TNRC18: variants seen among roughly 807,000 people sequenced by gnomAD.
The protein encoded by TNRC18 is trinucleotide repeat containing 18, also known as trinucleotide repeat-containing gene 18 protein.
In TNRC18, 69 loss-of-function variants were observed where a neutral mutation model predicts 226.7. That is an observed-to-expected ratio of 0.30 (90% CI 0.25 to 0.37). The LOEUF is 0.37. TNRC18 is among the 10% of genes least tolerant of loss of function. The pLI is 1.00. For synonymous variants in TNRC18, 2,449 were observed against 1,927.6 expected (o/e 1.27, Z -7.09); for missense variants, 4,754 against 4,256.6 (o/e 1.12, Z -3.25).
Position 5,374,337 on chromosome 7 carries a change from C to T in TNRC18, c.2947G>A (p.Ala983Thr), listed in dbSNP as rs530191909. ...RKPPGLAAGP[A>T]GTYGKAVSPP... ...CTCACGGCCTTGCCGTAGGTGCCCG[C>T]GGGGCCGGCGGCCAGGCCAGGGGGC... Residue 983 changes from alanine to threonine, a missense_variant, in exon 10 of 30, where the codon GCG becomes ACG. Coordinates refer to ENST00000430969, the MANE Select transcript of TNRC18 (RefSeq NM_001080495.3). 4.1e-5 allele frequency: 58 copies of T among 1,419,924 alleles called. No individual in the cohort carries two copies. The highest frequency in any genetic ancestry group is 2.6e-4 in the African/African-American group (17 of 65,512). 88.0% of individuals were successfully genotyped at this position (1,419,924 alleles called of 1,614,324 possible).
chr7:5,349,586 C>G (rs996325828), intron 17 of TNRC18, among the ~76,000 whole-genome samples: 1 of 152,310 alleles, frequency 6.6e-6, no homozygotes. Flanking sequence ...GAAAGAAAAG[C>G]GTTTTGCCTA....
chr7:5,345,808 C>G lies in TNRC18; in HGVS notation c.5473G>C (p.Glu1825Gln), dbSNP rs1168736522. 6.5e-7 allele frequency: 1 copy of G among 1,541,780 alleles called. No homozygotes were observed. The highest frequency in any genetic ancestry group is 8.7e-7 in the Non-Finnish European group (1 of 1,146,148). Residue 1825 changes from glutamate (E) to glutamine (Q), a missense_variant and splice_region_variant, in exon 18 of 30, where the codon GAG becomes CAG. Coordinates refer to ENST00000430969, the MANE Select transcript of TNRC18 (RefSeq NM_001080495.3). ...DSSEESFDQD[E>Q]SSEEEDEEEE... ...TCCTCGTCCTCCTCCTCCGAGCTCT[C>G]ATCTGGCGTGCAGAAAACAGGGACC...
At chr7:5,379,999 CCTT>C (rs1001590374) in intron 5 of TNRC18, among the ~76,000 whole-genome samples, 2 of 152,206 alleles carry the variant, frequency 1.3e-5, no homozygotes, top group South Asian at 2.1e-4. Context: ...GAGAAACTAT[CCTT>C]CTGCTGGAGA....
intron 5 of TNRC18, among the ~76,000 whole-genome samples, chr7:5,380,723 G>A (rs1388072484): frequency 3.3e-5 from 5 of 152,342 alleles, no homozygotes; most frequent in South Asian, 2.1e-4. Flanking sequence ...TGGACCTCAC[G>A]GGGAAACTGA....
chr7:5,310,819 T>C (rs934798232), intron 27 of TNRC18, among the ~76,000 whole-genome samples: 3 of 152,266 alleles, frequency 2.0e-5, no homozygotes, highest in Non-Finnish European at 4.4e-5. Context: ...GGGGGCTCCC[T>C]GCCAGCCTGT....
chr7:5,381,434 C>T (rs1779389401), intron 5 of TNRC18, among the ~76,000 whole-genome samples: 1 of 152,126 alleles, frequency 6.6e-6, no homozygotes, highest in South Asian at 2.1e-4. Context: ...GGACCTCCAC[C>T]ATCAGAGCTC....
chr7:5,313,712 C>G lies in TNRC18; in HGVS notation c.7179G>C (p.Pro2393=). 1 of 1,587,938 alleles carries G rather than the reference C, an allele frequency of 6.3e-7. No individual in the cohort carries two copies. Among genetic ancestry groups the G allele is most frequent in the South Asian group, 1.1e-5 (1 of 87,266 alleles). ...RAKAPKARPA[P]PQPSPAPPAF... is the part of the protein sequence containing the mutation. Reference sequence around the variant, plus strand: ...CGGGTGGTGCGGGACTGGGCTGCGGCGGTGCCGGGCGCGCCTTGGGGGCCT... The same window carrying G: ...CGGGTGGTGCGGGACTGGGCTGCGGGGGTGCCGGGCGCGCCTTGGGGGCCT... Residue 2393 remains proline, a synonymous_variant, in exon 27 of 30, where the codon CCG becomes CCC. Transcript: ENST00000430969.
At chr7:5,364,814 A>G (rs1464116807) in intron 11 of TNRC18, among the ~76,000 whole-genome samples, 2 of 151,796 alleles carry the variant, frequency 1.3e-5, no homozygotes, top group Non-Finnish European at 2.9e-5. Flanking sequence ...GAAAAAAAAA[A>G]AAAAAAAAAA....
chr7:5,352,568 G>A (rs1791938365), intron 16 of TNRC18, among the ~76,000 whole-genome samples: 1 of 152,276 alleles, frequency 6.6e-6, no homozygotes, highest in Non-Finnish European at 1.5e-5. Context: ...CAGCCTCCCA[G>A]TGGCAGCACG....
intron 16 of TNRC18, among the ~76,000 whole-genome samples, chr7:5,352,578 G>A (rs997953705): frequency 9.9e-5 from 15 of 152,242 alleles, no homozygotes; most frequent in African/African-American, 2.9e-4. Context: ...GTGGCAGCAC[G>A]AAACAGGCCA....
At chr7:5,370,133 G>C (rs559487217) in intron 11 of TNRC18, among the ~76,000 whole-genome samples, 28 of 151,980 alleles carry the variant, frequency 1.8e-4, no homozygotes, top group African/African-American at 6.0e-4. Context: ...CTGGGCAACA[G>C]AGCAAGACCC....
chr7:5,325,102 C>A lies in TNRC18; in HGVS notation c.6294G>T (p.Lys2098Asn). 6.5e-7 allele frequency: 1 copy of A among 1,550,048 alleles called. No homozygotes were observed. Among genetic ancestry groups the A allele is most frequent in the Non-Finnish European group, 8.7e-7 (1 of 1,147,074 alleles). The part of the protein sequence containing the change: ...SKAKAKGKEV[K>N]KENRGKGGAV... ...AGGGCACGGTGAGCCTCACCTCCTTCTTCACCTCCTTCCCTTTGGCCTTGG... is the reference window on the plus strand; with the variant it reads ...AGGGCACGGTGAGCCTCACCTCCTTATTCACCTCCTTCCCTTTGGCCTTGG... The change falls in exon 20 of 30, where the codon AAG (lysine) becomes AAT (asparagine). Residue 2098 changes from lysine to asparagine, a missense_variant. Coordinates refer to ENST00000430969, the MANE Select transcript of TNRC18 (RefSeq NM_001080495.3).
In TNRC18 at chr7:5,387,919, G is replaced by A. The variant is rs772589748; in HGVS notation, c.1905C>T (p.Ala635=). The A allele has an allele frequency of 1.9e-6, 3 of 1,594,822 alleles. No individual in the cohort carries two copies. Among genetic ancestry groups the A allele is most frequent in the African/African-American group, 1.3e-5 (1 of 74,756 alleles). Residue 635 remains alanine (A), a synonymous_variant, in exon 5 of 30, where the codon GCC becomes GCT. Coordinates refer to ENST00000430969, the MANE Select transcript of TNRC18 (RefSeq NM_001080495.3). ...PTSAGASRAQ[A]RLPHSGGPAA... The stretch of plus-strand genomic sequence containing the variant: ...CAGGGCCTCCGGAGTGTGGGAGACG[G>A]GCCTGGGCTCGGGAGGCACCCGCAG...
At position 5,361,881 on chromosome 7, in the gene TNRC18, C is replaced by G; in HGVS notation, c.4532+16G>C. ...CGGGGCAGGGGCCCCACGGGGCGGG[C>G]GGGGGACACACTCACTCGGAGTCCC... is the stretch of plus-strand genomic sequence containing the variant. On this transcript the variant is annotated intron_variant, in intron 13 of 29. Coordinates refer to ENST00000430969, the MANE Select transcript of TNRC18 (RefSeq NM_001080495.3). 1 of 1,538,832 alleles carries G rather than the reference C, an allele frequency of 6.5e-7. No homozygotes were observed. The highest frequency in any genetic ancestry group is 2.4e-5 in the East Asian group (1 of 40,832).
Position 5,371,311 on chromosome 7 carries a change from A to T in TNRC18, c.3283T>A (p.Tyr1095Asn). Residue 1095 changes from tyrosine to asparagine, a missense_variant, in exon 11 of 30, where the codon TAC becomes AAC. Tyr to Asn is a moderately radical substitution (Grantham distance 143). Coordinates refer to ENST00000430969, the MANE Select transcript of TNRC18 (RefSeq NM_001080495.3). ...QALPPHYGRP[Y>N]PFLLQPTAAA... ...GCCGTGGGCTGCAGCAGGAAAGGGT[A>T]GGGCCTCCCGTAGTGCGGTGGCAGG... 2 of 1,555,036 alleles carry T rather than the reference A, an allele frequency of 1.3e-6. No homozygotes were observed. The highest frequency in any genetic ancestry group is 1.7e-6 in the Non-Finnish European group (2 of 1,153,926).
chr7:5,326,829 GA>G (rs1173549162), intron 19 of TNRC18, among the ~76,000 whole-genome samples: 395 of 132,260 alleles, frequency 3.0e-3, no homozygotes, highest in African/African-American at 7.9e-3. Flanking sequence ...TAAAATTAAG[GA>G]AAAAAAAAAA....
At chr7:5,343,446 A>G (rs1024008358) in intron 18 of TNRC18, among the ~76,000 whole-genome samples, 1 of 152,200 alleles carries the variant, frequency 6.6e-6, no homozygotes, top group African/African-American at 2.4e-5. Context: ...TTTTTGAGAC[A>G]GGGTCTCATT....
rs1437432375 is a variant in TNRC18 at position 5,421,052 on chromosome 7, G to T, written c.187+8C>A. ...CAGGAGGGGACGGGCACGGCGCGGG[G>T]CACTTACCCGGGTGCGGATGGAGAT... On this transcript the variant is annotated splice_region_variant and intron_variant, in intron 2 of 29. Coordinates refer to ENST00000430969, the MANE Select transcript of TNRC18 (RefSeq NM_001080495.3). 2.0e-6 allele frequency: 3 copies of T among 1,523,276 alleles called. No individual in the cohort carries two copies. The Admixed American group carries it at 6.0e-5, about 30-fold the overall frequency. 94.4% of individuals were successfully genotyped at this position (1,523,276 alleles called of 1,614,324 possible).
At chr7:5,411,008 C>T (rs550999599) in intron 2 of TNRC18, among the ~76,000 whole-genome samples, 25 of 151,666 alleles carry the variant, frequency 1.6e-4, no homozygotes, top group Admixed American at 9.9e-4. Flanking sequence ...GAGTTTGAGA[C>T]CAGCCTGGCC....
Sources: gnomAD v4.1 joint callset for allele counts (sites outside exome capture counted in the v4.1 genomes callset) on GRCh38, gnomAD v4.1.1 for gene constraint, MANE v1.5 for transcripts, NCBI Gene and HGNC (gene_info 2026-07-23, HGNC 2026-07-21) for gene names.